ZFAND3: variants seen among roughly 807,000 people sequenced by gnomAD.
ZFAND3 encodes the protein AN1-type zinc finger protein 3.
A neutral mutation model predicts 29.6 loss-of-function variants in ZFAND3; 10 were observed. That is an observed-to-expected ratio of 0.34 (90% CI 0.21 to 0.57). The LOEUF (loss-of-function observed/expected upper bound fraction) is 0.57. Ranked by LOEUF, ZFAND3 falls within the 20% of genes least tolerant of loss-of-function variation. ZFAND3 has a pLI of 0.86. For missense variants in ZFAND3, 230 were observed against 304.5 expected, an observed-to-expected ratio of 0.76 and a Z score of 1.82; for synonymous variants, 128 against 112.6, an observed-to-expected ratio of 1.14 and a Z score of -0.87.
intron 1 of ZFAND3, among the ~76,000 whole-genome samples, chr6:37,822,577 G>A (rs1183155922): frequency 6.6e-6 from 1 of 152,116 alleles, no homozygotes; most frequent in Admixed American, 6.5e-5. Context: ...AGGAGGTGCT[G>A]GCCCCATACT....
At chr6:38,120,492 A>AT (rs1341969458) in intron 5 of ZFAND3, among the ~76,000 whole-genome samples, 1 of 151,366 alleles carries the variant, frequency 6.6e-6, no homozygotes, top group Non-Finnish European at 1.5e-5. Context: ...CGCCTGGCTA[A>AT]TTTTTTGTAT....
chr6:37,848,996 G>A (rs1423921735), intron 1 of ZFAND3, among the ~76,000 whole-genome samples: 1 of 152,026 alleles, frequency 6.6e-6, no homozygotes, highest in African/African-American at 2.4e-5. Flanking sequence ...CTGTGGAAGG[G>A]GAATTTGAAA....
chr6:37,849,077 G>A (rs1189593197), intron 1 of ZFAND3, among the ~76,000 whole-genome samples: 1 of 152,122 alleles, frequency 6.6e-6, no homozygotes, highest in African/African-American at 2.4e-5. Flanking sequence ...TATTATTCTG[G>A]TAATTATGAT....
intron 3 of ZFAND3, among the ~76,000 whole-genome samples, chr6:38,081,883 A>T (rs1764668255): frequency 6.6e-6 from 1 of 152,112 alleles, no homozygotes; most frequent in South Asian, 2.1e-4. Context: ...TTCTTTATAT[A>T]TGAAAATGAT....
intron 2 of ZFAND3, among the ~76,000 whole-genome samples, chr6:37,973,251 G>T (rs1415970196): frequency 6.6e-6 from 1 of 152,084 alleles, no homozygotes; most frequent in Non-Finnish European, 1.5e-5. Context: ...AATTTTATGG[G>T]ATTAAAAAAA....
In ZFAND3 at chr6:38,096,418, G is replaced by A. The variant is rs187816692; in HGVS notation, c.361+13961G>A. On this transcript the variant is annotated intron_variant, in intron 4 of 5. Transcript: ENST00000287218. The stretch of plus-strand genomic sequence containing the variant: ...GAACTCCTGACCTTGTGATCCACCC[G>A]CCTCAGCCACCCAAAGTGCTGGGAT... 4.3e-4 allele frequency among the ~76,000 whole-genome samples: 66 copies of A among 152,240 alleles called. No homozygotes were observed. In the East Asian group the frequency reaches 7.7e-3, roughly 18 times the overall value.
At chr6:38,061,866 C>A in intron 3 of ZFAND3, 91 bp downstream of exon 3, 2 of 1,430,526 alleles carry the variant, frequency 1.4e-6, no homozygotes, top group Non-Finnish European at 1.9e-6. Context: ...GAAAAAACAG[C>A]ACTTCTTTTA....
chr6:37,854,970 T>G lies in ZFAND3; in HGVS notation c.71+34954T>G, dbSNP rs932975495. 1.0e-4 allele frequency among the ~76,000 whole-genome samples: 14 copies of G among 136,916 alleles called. No individual in the cohort carries two copies. The East Asian group carries it at 2.4e-3, about 23-fold the overall frequency. 89.8% of individuals were successfully genotyped at this position (136,916 alleles called of 152,430 possible). The stretch of plus-strand genomic sequence containing the variant: ...CAGGAGAAAAATAATAGGTGTTTTT[T>G]TTTTTTTTTTTTTTTTGGTGAGGCA... On this transcript the variant is annotated intron_variant, in intron 1 of 5. Transcript: ENST00000287218.
intron 2 of ZFAND3, among the ~76,000 whole-genome samples, chr6:38,036,117 C>T (rs1182441471): frequency 6.6e-6 from 1 of 152,142 alleles, no homozygotes; most frequent in Non-Finnish European, 1.5e-5. Flanking sequence ...ATAATATATT[C>T]CCTGAAATGT....
chr6:37,857,095 A>C (rs1764397841), intron 1 of ZFAND3, among the ~76,000 whole-genome samples: 1 of 152,096 alleles, frequency 6.6e-6, no homozygotes, highest in Non-Finnish European at 1.5e-5. Context: ...GACAAACGCC[A>C]CCATGTCTGG....
At chr6:38,014,333 T>TTATTATTA (rs1260105918) in intron 2 of ZFAND3, among the ~76,000 whole-genome samples, 9 of 145,390 alleles carry the variant, frequency 6.2e-5, no homozygotes, top group African/African-American at 2.3e-4. Context: ...TATTATTATT[T>TTATTATTA]TTTTTTTTTT....
chr6:38,016,882 C>T (rs1763261066), intron 2 of ZFAND3, among the ~76,000 whole-genome samples: 1 of 152,014 alleles, frequency 6.6e-6, no homozygotes, highest in Non-Finnish European at 1.5e-5. Flanking sequence ...ATTCATAAGC[C>T]AGGCTCAGAT....
At chr6:37,960,243 C>T (rs1232310960) in intron 2 of ZFAND3, among the ~76,000 whole-genome samples, 2 of 152,184 alleles carry the variant, frequency 1.3e-5, no homozygotes, top group African/African-American at 2.4e-5. Context: ...CACTGACCAG[C>T]CAACTCACTC....
intron 2 of ZFAND3, among the ~76,000 whole-genome samples, chr6:38,049,970 G>GTTATTTTTTT (rs1203997629): frequency 1.1e-3 from 8 of 7,256 alleles, no homozygotes; most frequent in Non-Finnish European, 2.3e-3. Flanking sequence ...TTTTTTTTTG[G>GTTATTTTTTT]GGGAGACAGA....
chr6:37,948,107 G>A (rs1761933432), intron 2 of ZFAND3, among the ~76,000 whole-genome samples: 1 of 152,174 alleles, frequency 6.6e-6, no homozygotes, highest in Non-Finnish European at 1.5e-5. Flanking sequence ...TCAAGTGTCA[G>A]TTAGGTCAGG....
intron 1 of ZFAND3, among the ~76,000 whole-genome samples, chr6:37,893,442 C>T (rs1765139760): frequency 6.6e-6 from 1 of 152,172 alleles, no homozygotes; most frequent in Admixed American, 6.5e-5. Context: ...TGATAAAAGG[C>T]TTCTAGCTAT....
At chr6:38,040,225 A>G (rs1763733676) in intron 2 of ZFAND3, among the ~76,000 whole-genome samples, 1 of 152,268 alleles carries the variant, frequency 6.6e-6, no homozygotes, top group East Asian at 1.9e-4. Flanking sequence ...TCTTGCATAC[A>G]CATCTTTTAA....
At chr6:37,989,217 A>G (rs1018825629) in intron 2 of ZFAND3, among the ~76,000 whole-genome samples, 1 of 152,182 alleles carries the variant, frequency 6.6e-6, no homozygotes, top group African/African-American at 2.4e-5. Flanking sequence ...CTAGCTGAAC[A>G]TTTAAGGTAT....
chr6:37,973,641 A>G (rs1762428409), intron 2 of ZFAND3, among the ~76,000 whole-genome samples: 1 of 152,248 alleles, frequency 6.6e-6, no homozygotes, highest in Admixed American at 6.5e-5. Context: ...ATTAGATAGC[A>G]CAGCTCTGAA....
Sources: gnomAD v4.1 joint callset for allele counts (sites outside exome capture counted in the v4.1 genomes callset) on GRCh38, gnomAD v4.1.1 for gene constraint, MANE v1.5 for transcripts, NCBI Gene and HGNC (gene_info 2026-07-23, HGNC 2026-07-21) for gene names.